Variants in FOXJ3 observed in about 807,000 individuals in gnomAD.
FOXJ3 encodes the protein forkhead box protein J3.
Under a neutral mutation model 76.1 loss-of-function variants are expected in FOXJ3, and 22 were observed. The ratio of observed to expected loss-of-function variants is 0.29; its 90% CI spans 0.21 to 0.41. The LOEUF is 0.41. FOXJ3 is among the 10% of genes least tolerant of loss of function. The pLI is 1.00. For missense variants in FOXJ3, 613 were observed against 762.1 expected (o/e 0.80, Z 2.30); for synonymous variants, 269 against 261.2 (o/e 1.03, Z -0.29).
intron 2 of FOXJ3, among the ~76,000 whole-genome samples, chr1:42,294,540 T>C (rs1372086480): frequency 6.6e-6 from 1 of 152,050 alleles, no homozygotes; most frequent in East Asian, 1.9e-4. Context: ...AGGCAGATCA[T>C]CTGGGATCAG....
intron 5 of FOXJ3, among the ~76,000 whole-genome samples, chr1:42,208,942 T>C (rs1312000323): frequency 6.6e-6 from 1 of 152,208 alleles, no homozygotes; most frequent in African/African-American, 2.4e-5. Context: ...TTGAATACTA[T>C]ATTGAAGGTG....
intron 8 of FOXJ3, among the ~76,000 whole-genome samples, chr1:42,193,921 T>G (rs908418461): frequency 6.6e-6 from 1 of 152,126 alleles, no homozygotes; most frequent in African/African-American, 2.4e-5. Context: ...CTTTTTGCCC[T>G]TCCATGTCGT....
chr1:42,188,580 T>C (rs951445778), intron 11 of FOXJ3, among the ~76,000 whole-genome samples, 157 bp downstream of exon 11: 8 of 152,230 alleles, frequency 5.3e-5, no homozygotes, highest in Non-Finnish European at 1.2e-4. Flanking sequence ...AGATATACCC[T>C]ACATATAAAT....
At chr1:42,301,463 A>G (rs936129070) in intron 2 of FOXJ3, among the ~76,000 whole-genome samples, 2 of 152,154 alleles carry the variant, frequency 1.3e-5, no homozygotes, top group South Asian at 2.1e-4. Flanking sequence ...TCCGCCTCCA[A>G]AAGTGTTGGG....
rs149151214 is a variant in FOXJ3, at chr1:42,306,803, T to G, written c.44+4247A>C. On this transcript the variant is annotated intron_variant, in intron 2 of 12. Transcript: ENST00000361346. ...GTTTAAAAAACTTTTGAGGATTTTT[T>G]AAGTAATATGCAGTACTCTACTAAA... Among the ~76,000 whole-genome samples the G allele has an allele frequency of 4.6e-3, 701 of 152,364 alleles. 6 individuals are homozygous for G. The highest frequency in any genetic ancestry group is 0.016 in the African/African-American group (667 of 41,582).
Position 42,265,326 on chromosome 1 carries a change from T to C in FOXJ3, c.370-137A>G. On this transcript the variant is annotated intron_variant, in intron 3 of 12. Coordinates refer to ENST00000361346, the MANE Select transcript of FOXJ3 (RefSeq NM_014947.5). ...AATGGAATAAACTTTTTAATCAGCT[T>C]AAAATTTAAATCTTTCTGACTTTCA... 4 of 518,540 alleles carry C rather than the reference T, an allele frequency of 7.7e-6. No homozygotes were observed. In the South Asian group the frequency reaches 1.2e-4, roughly 15 times the overall value. 32.1% of individuals were successfully genotyped at this position (518,540 alleles called of 1,614,324 possible). A position where few individuals can be genotyped will look rare whatever the true frequency, so the allele number is the denominator to read the frequency against.
intron 4 of FOXJ3, among the ~76,000 whole-genome samples, chr1:42,247,314 T>C (rs979295395): frequency 6.6e-6 from 1 of 152,064 alleles, no homozygotes; most frequent in African/African-American, 2.4e-5. Context: ...TAAAAAGTTT[T>C]AAAAAAATTT....
At chr1:42,272,750 T>C (rs913034686) in intron 3 of FOXJ3, among the ~76,000 whole-genome samples, 1 of 152,210 alleles carries the variant, frequency 6.6e-6, no homozygotes, top group African/African-American at 2.4e-5. Context: ...TCATCAAAAA[T>C]GAAGCCAGAC....
intron 4 of FOXJ3, among the ~76,000 whole-genome samples, chr1:42,231,612 G>A (rs1407409514): frequency 6.6e-6 from 1 of 152,166 alleles, no homozygotes; most frequent in East Asian, 1.9e-4. Flanking sequence ...CACCTAAAAT[G>A]ATTCAAATGG....
At chr1:42,310,729 T>A (rs1435635087) in intron 2 of FOXJ3, among the ~76,000 whole-genome samples, 1 of 152,116 alleles carries the variant, frequency 6.6e-6, no homozygotes, top group African/African-American at 2.4e-5. Context: ...GGAGTACAGA[T>A]GTGAGCCACC....
chr1:42,317,578 G>A (rs142993211), intron 1 of FOXJ3, among the ~76,000 whole-genome samples: 1 of 148,898 alleles, frequency 6.7e-6, no homozygotes, highest in African/African-American at 2.5e-5. Context: ...TGATATAAGA[G>A]AGAGAAAGGC....
intron 4 of FOXJ3, among the ~76,000 whole-genome samples, chr1:42,252,380 A>C (rs1180646852): frequency 3.3e-5 from 5 of 151,952 alleles, no homozygotes. Flanking sequence ...GAATTTATCC[A>C]TTTCTTCTAG....
chr1:42,295,994 A>G (rs902119320), intron 2 of FOXJ3, among the ~76,000 whole-genome samples: 49 of 152,316 alleles, frequency 3.2e-4, no homozygotes, highest in African/African-American at 1.1e-3. Flanking sequence ...CCTTTTCTCC[A>G]CAACCACACC....
At chr1:42,236,496 A>G (rs1028649632) in intron 4 of FOXJ3, among the ~76,000 whole-genome samples, 1 of 152,220 alleles carries the variant, frequency 6.6e-6, no homozygotes, top group South Asian at 2.1e-4. Flanking sequence ...CACTCAATCT[A>G]GTTTTATTTT....
At chr1:42,217,232 A>T (rs1389232639) in intron 5 of FOXJ3, among the ~76,000 whole-genome samples, 2 of 152,232 alleles carry the variant, frequency 1.3e-5, no homozygotes, top group Non-Finnish European at 2.9e-5. Context: ...AAATGGATTT[A>T]AAAATACTCT....
chr1:42,240,064 A>G (rs1214969694), intron 4 of FOXJ3, among the ~76,000 whole-genome samples: 1 of 152,228 alleles, frequency 6.6e-6, no homozygotes, highest in Non-Finnish European at 1.5e-5. Flanking sequence ...GGAGGTAAGA[A>G]AGAAGAATAT....
At chr1:42,301,595 C>G (rs751542526) in intron 2 of FOXJ3, among the ~76,000 whole-genome samples, 5 of 152,156 alleles carry the variant, frequency 3.3e-5, no homozygotes, top group African/African-American at 4.8e-5. Flanking sequence ...TCTTTCTTCT[C>G]CTTTCTCTAG....
At chr1:42,229,750 G>A (rs1647909189) in intron 4 of FOXJ3, among the ~76,000 whole-genome samples, 1 of 152,186 alleles carries the variant, frequency 6.6e-6, no homozygotes, top group African/African-American at 2.4e-5. Context: ...TTTGGGAATA[G>A]GTTTGGCTAG....
chr1:42,219,353 T>C (rs1647133697), intron 5 of FOXJ3, among the ~76,000 whole-genome samples: 1 of 152,212 alleles, frequency 6.6e-6, no homozygotes, highest in Non-Finnish European at 1.5e-5. Context: ...TGTTAACCTC[T>C]TACTGTGCCT....
Sources: gnomAD v4.1 joint callset for allele counts (sites outside exome capture counted in the v4.1 genomes callset) on GRCh38, gnomAD v4.1.1 for gene constraint, MANE v1.5 for transcripts, NCBI Gene and HGNC (gene_info 2026-07-23, HGNC 2026-07-21) for gene names.